Variants in GNAO1 observed in about 807,000 individuals in gnomAD.
GNAO1 encodes guanine nucleotide-binding protein G(o) subunit alpha.
For missense variants in GNAO1, 166 were observed against 478.7 expected (o/e 0.35, Z 6.10); for synonymous variants, 164 against 180.7 (o/e 0.91, Z 0.74).
chr16:56,297,127 G>A (rs899144518), intron 3 of GNAO1, among the ~76,000 whole-genome samples: 1 of 152,128 alleles, frequency 6.6e-6, no homozygotes, highest in African/African-American at 2.4e-5. Context: ...GTAGGACACG[G>A]GATTCCCTGT....
chr16:56,271,357 G>C (rs2037016103), intron 2 of GNAO1, among the ~76,000 whole-genome samples: 1 of 152,186 alleles, frequency 6.6e-6, no homozygotes, highest in South Asian at 2.1e-4. Context: ...TAGCACAGAG[G>C]GTAAACCCTC....
At chr16:56,334,578 C>G (rs771169220) in intron 4 of GNAO1, 151 bp from the exon 5 acceptor site, 6 of 791,096 alleles carry the variant, frequency 7.6e-6, no homozygotes, top group Non-Finnish European at 1.2e-5. Flanking sequence ...GTCGCCCCCA[C>G]TCCCTATGGC....
intron 3 of GNAO1, among the ~76,000 whole-genome samples, chr16:56,310,751 A>G (rs1186978140): frequency 6.6e-6 from 1 of 152,146 alleles, no homozygotes; most frequent in Non-Finnish European, 1.5e-5. Flanking sequence ...GCTATAACAA[A>G]TACACCCAAA....
intron 2 of GNAO1, among the ~76,000 whole-genome samples, chr16:56,265,784 T>G (rs1322002029): frequency 1.3e-5 from 2 of 151,304 alleles, no homozygotes; most frequent in Non-Finnish European, 3.0e-5. Flanking sequence ...GACGAATGTG[T>G]TTTTTTTTAA....
chr16:56,242,398 C>G (rs1009148090), intron 2 of GNAO1, among the ~76,000 whole-genome samples: 4 of 152,120 alleles, frequency 2.6e-5, no homozygotes, highest in African/African-American at 9.7e-5. Context: ...AGGTAGGACT[C>G]ACACCTCCCA....
At position 56,309,724 on chromosome 16, in the gene GNAO1, C is replaced by T. The variant is rs552920016; in HGVS notation, c.304-18907C>T. Reference sequence around the variant, plus strand: ...GTTTCCAGTCCCACCACCCAGGGGCCAGACCCGGACCCACTGCTCCTGTGC... The same window carrying T: ...GTTTCCAGTCCCACCACCCAGGGGCTAGACCCGGACCCACTGCTCCTGTGC... On this transcript the variant is annotated intron_variant, in intron 3 of 8. Coordinates refer to ENST00000262493, the MANE Select transcript of GNAO1 (RefSeq NM_020988.3). Among the ~76,000 whole-genome samples the T allele has an allele frequency of 4.2e-4, 64 of 152,314 alleles. 1 individual carries two copies. In the South Asian group the frequency reaches 0.013, roughly 31 times the overall value.
intron 2 of GNAO1, among the ~76,000 whole-genome samples, chr16:56,267,496 G>A (rs546949371): frequency 6.6e-6 from 1 of 152,264 alleles, no homozygotes; most frequent in African/African-American, 2.4e-5. Context: ...GGCTCTGGGA[G>A]GTGCGAAGGG....
chr16:56,345,511 C>G, intron 6 of GNAO1: 2 of 985,240 alleles, frequency 2.0e-6, no homozygotes, highest in Non-Finnish European at 1.2e-6. Flanking sequence ...CTGAGTGGTG[C>G]CCAGGAGACC....
intron 6 of GNAO1, chr16:56,340,785 A>C: frequency 1.4e-5 from 22 of 1,544,180 alleles, no homozygotes; most frequent in Non-Finnish European, 1.8e-5. Context: ...GCGGTGGGTC[A>C]GGGCCCTGGA....
intron 6 of GNAO1, among the ~76,000 whole-genome samples, chr16:56,342,983 C>T (rs1249262271): frequency 2.0e-5 from 3 of 151,862 alleles, no homozygotes; most frequent in African/African-American, 4.8e-5. Context: ...CGTGGCAGCA[C>T]GCACCTATAA....
At chr16:56,224,802 C>G (rs957897893) in intron 2 of GNAO1, among the ~76,000 whole-genome samples, 8 of 152,230 alleles carry the variant, frequency 5.3e-5, no homozygotes, top group African/African-American at 1.9e-4. Context: ...TTTACACTTA[C>G]GGCTTTGTGG....
At chr16:56,221,044 C>G (rs570652977) in intron 2 of GNAO1, among the ~76,000 whole-genome samples, 1 of 152,230 alleles carries the variant, frequency 6.6e-6, no homozygotes, top group South Asian at 2.1e-4. Flanking sequence ...CTGCACCCAG[C>G]CTTGGATTAG....
At chr16:56,255,626 C>T (rs1302557245) in intron 2 of GNAO1, 1 of 152,102 alleles carries the variant, frequency 6.6e-6, no homozygotes, top group Admixed American at 6.6e-5. Flanking sequence ...TGTCGTCCTT[C>T]CTGGAACTGT....
intron 2 of GNAO1, among the ~76,000 whole-genome samples, chr16:56,263,624 T>C (rs886464385): frequency 1.5e-4 from 23 of 152,214 alleles, no homozygotes; most frequent in Admixed American, 2.0e-4. Context: ...CTCCTCAATC[T>C]TTTGTCCAAC....
intron 3 of GNAO1, among the ~76,000 whole-genome samples, chr16:56,325,405 G>T (rs1198214143): frequency 6.6e-6 from 1 of 152,236 alleles, no homozygotes; most frequent in Non-Finnish European, 1.5e-5. Context: ...GAACCCAGGA[G>T]GCGGAGGTTG....
chr16:56,337,640 A>C (rs1373043933), intron 6 of GNAO1, among the ~76,000 whole-genome samples: 2 of 152,108 alleles, frequency 1.3e-5, no homozygotes, highest in Non-Finnish European at 2.9e-5. Flanking sequence ...CATAAAAGGG[A>C]GATAATAATA....
At chr16:56,328,836 C>A in intron 4 of GNAO1, 45 bp downstream of exon 4, 2 of 1,593,108 alleles carry the variant, frequency 1.3e-6, no homozygotes, top group Non-Finnish European at 8.6e-7. Context: ...GGCAGTGATG[C>A]GGGAGTGGAA....
chr16:56,264,414 A>C (rs917933711), intron 2 of GNAO1, among the ~76,000 whole-genome samples: 1 of 152,188 alleles, frequency 6.6e-6, no homozygotes, highest in Non-Finnish European at 1.5e-5. Context: ...GGGAAAGGGC[A>C]GGGTTCATGT....
chr16:56,321,492 T>C (rs558856168), intron 3 of GNAO1, among the ~76,000 whole-genome samples: 9 of 152,158 alleles, frequency 5.9e-5, no homozygotes, highest in Non-Finnish European at 1.2e-4. Context: ...TGATTGTTAG[T>C]CTCATTTGAC....
Sources: allele counts gnomAD v4.1 joint callset (sites outside exome capture counted in the v4.1 genomes callset), GRCh38; gene constraint gnomAD v4.1.1; transcripts MANE v1.5; gene names NCBI Gene and HGNC (gene_info 2026-07-23, HGNC 2026-07-21).